PHKB: variants seen among roughly 807,000 people sequenced by gnomAD.
The protein encoded by PHKB is phosphorylase kinase regulatory subunit beta.
PHKB carries 122 observed loss-of-function variants against 152.1 expected under a neutral mutation model. The observed-to-expected ratio is 0.80, with a 90% CI of 0.69 to 0.93. The LOEUF is 0.93. Among genes scored for constraint, PHKB ranks in the 40% least tolerant of loss-of-function variants. The pLI, the probability that PHKB is intolerant of heterozygous loss-of-function variation, is 0.00. For synonymous variants in PHKB, 436 were observed against 464.9 expected, an observed-to-expected ratio of 0.94 and a Z score of 0.80; for missense variants, 1,304 against 1,328.4, an observed-to-expected ratio of 0.98 and a Z score of 0.29.
chr16:47,462,537 G>T (rs1969586664), intron 1 of PHKB: 1 of 152,178 alleles, frequency 6.6e-6, no homozygotes, highest in African/African-American at 2.4e-5. Context: ...GGGAGTCTGA[G>T]GCAGAAGAAT....
intron 1 of PHKB, among the ~76,000 whole-genome samples, chr16:47,495,574 A>C (rs777925681): frequency 5.3e-5 from 8 of 152,220 alleles, no homozygotes; most frequent in Non-Finnish European, 1.2e-4. Flanking sequence ...CACAATTTAT[A>C]AATTATGATT....
chr16:47,535,832 A>G (rs565930647), intron 6 of PHKB, among the ~76,000 whole-genome samples: 2 of 152,352 alleles, frequency 1.3e-5, no homozygotes, highest in South Asian at 2.1e-4. Flanking sequence ...ACCACAGATG[A>G]CATTTGGATC....
rs1257269407 is a variant in PHKB, at chr16:47,664,899, A to G, written c.2351A>G (p.Tyr784Cys). The stretch of plus-strand genomic sequence containing the variant: ...GACACACCCAGGTTGGCGGTGCGCT[A>G]CGGGGCTGCATTTACCCAGAAATTT... ...GSQKLWLAVR[Y>C]GAAFTQKFSS... The change falls in exon 25 of 31, where the codon TAC (tyrosine) becomes TGC (cysteine). Residue 784 changes from tyrosine (Y) to cysteine (C), a missense_variant. Transcript: ENST00000323584. 13 of 1,613,322 alleles carry G rather than the reference A, an allele frequency of 8.1e-6. No individual in the cohort carries two copies. The South Asian group carries it at 8.8e-5, about 11-fold the overall frequency.
At chr16:47,612,929 C>T (rs1689388620) in intron 14 of PHKB, among the ~76,000 whole-genome samples, 1 of 152,128 alleles carries the variant, frequency 6.6e-6, no homozygotes, top group African/African-American at 2.4e-5. Context: ...ATGTGCAGCC[C>T]TCTGTTTGAA....
At position 47,515,581 on chromosome 16, in the gene PHKB, A is replaced by G. The variant is rs117218785; in HGVS notation, c.574A>G (p.Ile192Val). The G allele has an allele frequency of 1.4e-3, 2,082 of 1,437,504 alleles. 8 individuals carry two copies. Among genetic ancestry groups the G allele is most frequent in the Middle Eastern group, 5.6e-3 (32 of 5,720 alleles). 89.0% of individuals were successfully genotyped at this position (1,437,504 alleles called of 1,614,324 possible). The change falls in exon 6 of 31, where the codon ATT (isoleucine) becomes GTT (valine). Residue 192 changes from isoleucine to valine, a missense_variant. By Grantham distance (29) the Ile-to-Val change is conservative. Coordinates refer to ENST00000323584, the MANE Select transcript of PHKB (RefSeq NM_000293.3). ...LVEMISSGLQ[I>V]IYNTDEVSFI... is the part of the protein sequence containing the mutation. ...GGAAATGATTTCCTCAGGACTCCAG[A>G]TTATCTACAACACTGATGAGGTATG...
At chr16:47,624,480 T>A (rs1228634962) in intron 14 of PHKB, among the ~76,000 whole-genome samples, 1 of 152,198 alleles carries the variant, frequency 6.6e-6, no homozygotes, top group African/African-American at 2.4e-5. Flanking sequence ...AAATTAAAAC[T>A]AGACTAATGG....
intron 1 of PHKB, among the ~76,000 whole-genome samples, chr16:47,470,343 G>A (rs1368304282): frequency 6.6e-6 from 1 of 152,216 alleles, no homozygotes; most frequent in African/African-American, 2.4e-5. Flanking sequence ...ACTGCAGCAG[G>A]AGCATGTCTT....
chr16:47,505,211 G>A (rs1159299461), intron 4 of PHKB, among the ~76,000 whole-genome samples: 6 of 152,212 alleles, frequency 3.9e-5, no homozygotes, highest in African/African-American at 1.4e-4. Context: ...AGCCCGGCTT[G>A]CTGGCGTGTG....
chr16:47,698,659 CCTAATCT>C lies in PHKB; in HGVS notation c.3144+74_3144+80del. On this transcript the variant is annotated intron_variant, in intron 30 of 30. Coordinates refer to ENST00000323584, the MANE Select transcript of PHKB (RefSeq NM_000293.3). Reference sequence around the variant, plus strand: ...CATTGTCTCAATTCTTTAAAATATCCCTAATCTCTTTTCATTTACTTTATAAAACAGA... The same window carrying C: ...CATTGTCTCAATTCTTTAAAATATCCCTTTTCATTTACTTTATAAAACAGA... 4 of 1,226,660 alleles carry C rather than the reference CCTAATCT, an allele frequency of 3.3e-6. No homozygotes were observed. The Admixed American group carries it at 8.6e-5, about 26-fold the overall frequency. The allele number at this position is 1,226,660 out of a possible 1,614,324, so 76.0% of individuals were successfully genotyped here. A position where few individuals can be genotyped will look rare whatever the true frequency, so the allele number is the denominator to read the frequency against.
chr16:47,540,975 A>G (rs943574058), intron 6 of PHKB, among the ~76,000 whole-genome samples: 5 of 151,698 alleles, frequency 3.3e-5, no homozygotes, highest in Admixed American at 2.6e-4. Context: ...TTACAGGCAT[A>G]CATCACCACG....
At chr16:47,477,254 A>G (rs1969884360) in intron 1 of PHKB, among the ~76,000 whole-genome samples, 1 of 152,200 alleles carries the variant, frequency 6.6e-6, no homozygotes, top group South Asian at 2.1e-4. Context: ...ATAATTATAT[A>G]TCTTTTTTCT....
Position 47,669,168 on chromosome 16 carries a change from C to A in PHKB, c.2428-47C>A, listed in dbSNP as rs567033139. ...GCCTTGATTTTTTTTTAATTTTTAT[C>A]TTTTAGTAGCTAGGAGAATTTTACA... On this transcript the variant is annotated intron_variant, in intron 25 of 30. Coordinates refer to ENST00000323584, the MANE Select transcript of PHKB (RefSeq NM_000293.3). 1.3e-5 allele frequency: 19 copies of A among 1,451,282 alleles called. No homozygotes were observed. The South Asian group carries it at 1.6e-4, about 12-fold the overall frequency. The allele number at this position is 1,451,282 out of a possible 1,614,324, so 89.9% of individuals were successfully genotyped here. A position where few individuals can be genotyped will look rare whatever the true frequency, so the allele number is the denominator to read the frequency against.
chr16:47,682,710 T>G (rs909864603), intron 26 of PHKB, among the ~76,000 whole-genome samples: 4 of 152,218 alleles, frequency 2.6e-5, no homozygotes, highest in Non-Finnish European at 4.4e-5. Context: ...TGGTTTGAAT[T>G]TCCTCCTGTA....
intron 29 of PHKB, 52 bp from the exon 30 acceptor site, chr16:47,698,396 C>T (rs1597190923): frequency 7.3e-7 from 1 of 1,376,268 alleles, no homozygotes; most frequent in East Asian, 2.3e-5. Context: ...AGGGTGAAAA[C>T]ATGTCACTAT....
intron 1 of PHKB, among the ~76,000 whole-genome samples, chr16:47,492,435 A>G (rs1970165314): frequency 6.6e-6 from 1 of 152,262 alleles, no homozygotes; most frequent in Non-Finnish European, 1.5e-5. Context: ...AAAAGGAAAG[A>G]AAAAACCAGT....
At chr16:47,504,567 A>G (rs1970378545) in intron 4 of PHKB, among the ~76,000 whole-genome samples, 1 of 152,182 alleles carries the variant, frequency 6.6e-6, no homozygotes, top group Non-Finnish European at 1.5e-5. Context: ...CAGGCCTACT[A>G]TATTAACTCT....
Position 47,588,976 on chromosome 16 carries a change from C to G in PHKB, c.942C>G (p.Ser314Arg), listed in dbSNP as rs775139159. 6.2e-7 allele frequency: 1 copy of G among 1,613,722 alleles called. No homozygotes were observed. Among genetic ancestry groups the G allele is most frequent in the African/African-American group, 1.3e-5 (1 of 75,010 alleles). The change falls in exon 10 of 31, where the codon AGC becomes AGG. Residue 314 changes from serine to arginine, a missense_variant. By Grantham distance (110) the Ser-to-Arg change is moderately radical. Transcript: ENST00000323584. ...CCCTGGATGATGAAGTTCTTTTTAG[C>G]CAGACACTTGATAAAGTGGTTAGAA... ...AFALDDEVLF[S>R]QTLDKVVRKL...
chr16:47,580,697 T>A (rs931805911), intron 8 of PHKB, among the ~76,000 whole-genome samples: 2 of 152,052 alleles, frequency 1.3e-5, no homozygotes, highest in Non-Finnish European at 2.9e-5. Context: ...ATATATATAT[T>A]TTTATGTCAG....
chr16:47,680,438 A>G (rs950443151), intron 26 of PHKB, among the ~76,000 whole-genome samples: 5 of 152,150 alleles, frequency 3.3e-5, no homozygotes, highest in Non-Finnish European at 7.3e-5. Context: ...TTATTGCCAC[A>G]ATTTCAGAGC....
Sources: allele counts gnomAD v4.1 joint callset (sites outside exome capture counted in the v4.1 genomes callset), GRCh38; gene constraint gnomAD v4.1.1; transcripts MANE v1.5; gene names NCBI Gene and HGNC (gene_info 2026-07-23, HGNC 2026-07-21).